The following FBXO45 variants were observed in gnomAD, a reference collection of about 807,000 sequenced individuals.
The protein encoded by FBXO45 is F-box/SPRY domain-containing protein 1.
Under a neutral mutation model 25.5 loss-of-function variants are expected in FBXO45, and 3 were observed. The observed-to-expected ratio is 0.12, with a 90% CI of 0.05 to 0.30. The LOEUF (loss-of-function observed/expected upper bound fraction) is 0.30, where lower values mean the gene tolerates loss of function less well. FBXO45 is among the 10% of genes least tolerant of loss of function. FBXO45 has a pLI of 1.00. For synonymous variants in FBXO45, 155 were observed against 149.8 expected (o/e 1.03, Z -0.25); for missense variants, 219 against 365.0 (o/e 0.60, Z 3.26).
chr3:196,577,816 A>G lies in FBXO45; in HGVS notation c.675+7A>G. 1 of 1,552,186 alleles carries G rather than the reference A, an allele frequency of 6.4e-7. No individual in the cohort carries two copies. The highest frequency in any genetic ancestry group is 1.4e-5 in the African/African-American group (1 of 73,986). On this transcript the variant is annotated splice_region_variant and intron_variant, in intron 2 of 2. Coordinates refer to ENST00000311630, the MANE Select transcript of FBXO45 (RefSeq NM_001105573.2). Reference sequence around the variant, plus strand: ...CAACGCACCAAAATATCAGGTGAGAAACTGGGGTTTTTCTCAAGTATGGGC... The same window carrying G: ...CAACGCACCAAAATATCAGGTGAGAGACTGGGGTTTTTCTCAAGTATGGGC...
At chr3:196,580,142 G>A (rs765049834) in intron 2 of FBXO45, among the ~76,000 whole-genome samples, 2 of 150,800 alleles carry the variant, frequency 1.3e-5, no homozygotes, top group African/African-American at 2.4e-5. Context: ...AGAGGCATGC[G>A]CCTCTAAACC....
At position 196,569,444 on chromosome 3, in the gene FBXO45, T is replaced by G; in HGVS notation, c.318+142T>G. Reference sequence around the variant, plus strand: ...GGCTCCAGTCAGTATCTTCCTCACCTCCCCCCAAGATAAAGATTCTCTTTT... The same window carrying G: ...GGCTCCAGTCAGTATCTTCCTCACCGCCCCCCAAGATAAAGATTCTCTTTT... On this transcript the variant is annotated intron_variant, in intron 1 of 2. Coordinates refer to ENST00000311630, the MANE Select transcript of FBXO45 (RefSeq NM_001105573.2). The surrounding 1 kb of genome is among the most constrained non-coding windows in gnomAD (Gnocchi z 4.1). 1 of 718,562 alleles carries G rather than the reference T, an allele frequency of 1.4e-6. No individual in the cohort carries two copies. 44.5% of individuals were successfully genotyped at this position (718,562 alleles called of 1,614,324 possible).
At chr3:196,576,013 C>T (rs937420549) in intron 1 of FBXO45, among the ~76,000 whole-genome samples, 6 of 152,154 alleles carry the variant, frequency 3.9e-5, no homozygotes, top group African/African-American at 1.4e-4. Context: ...TTATAAGTGC[C>T]TTAAAGTATT....
intron 2 of FBXO45, among the ~76,000 whole-genome samples, chr3:196,581,293 C>T (rs1342827064): frequency 8.3e-6 from 1 of 120,028 alleles, no homozygotes; most frequent in Non-Finnish European, 1.6e-5. Context: ...TGCAGTGGCA[C>T]GATCTGGGCT....
In FBXO45 at chr3:196,569,238, G is replaced by A. The variant is rs867214726; in HGVS notation, c.254G>A (p.Arg85His). 1 of 1,582,750 alleles carries A rather than the reference G, an allele frequency of 6.3e-7. No individual in the cohort carries two copies. The highest frequency in any genetic ancestry group is 8.6e-7 in the Non-Finnish European group (1 of 1,165,074). Reference sequence around the variant, plus strand: ...GAGGTGTGGCGGAGCCTGTGCGCCCGCAGCCTGGCAGAAGAGGCTCTGCGC... The same window carrying A: ...GAGGTGTGGCGGAGCCTGTGCGCCCACAGCCTGGCAGAAGAGGCTCTGCGC... ...NSEVWRSLCA[R>H]SLAEEALRTD... Residue 85 changes from arginine (R) to histidine (H), a missense_variant, in exon 1 of 3, where the codon CGC becomes CAC. Arg to His is a conservative substitution (Grantham distance 29). Coordinates refer to ENST00000311630, the MANE Select transcript of FBXO45 (RefSeq NM_001105573.2). The surrounding 1 kb of genome is among the most constrained non-coding windows in gnomAD (Gnocchi z 4.1).
chr3:196,582,620 CTT>C (rs1315918307), intron 2 of FBXO45, among the ~76,000 whole-genome samples: 14 of 140,144 alleles, frequency 1.0e-4, no homozygotes, highest in Non-Finnish European at 7.9e-5. Context: ...ATGAAACATC[CTT>C]TTTTTTTTTT....
rs1736062972 is a variant in FBXO45 at position 196,584,086 on chromosome 3, T to TAC, written c.676-44_676-43dup. 6.4e-7 allele frequency: 1 copy of TAC among 1,564,896 alleles called. No homozygotes were observed. Among genetic ancestry groups the TAC allele is most frequent in the African/African-American group, 1.4e-5 (1 of 72,972 alleles). ...TGATTTGTGTCTTGTTTCTTCTAGCTACACCCTTGGCAGATTTTCTTCTAA... is the reference window on the plus strand; with the variant it reads ...TGATTTGTGTCTTGTTTCTTCTAGCTACACACCCTTGGCAGATTTTCTTCTAA... On this transcript the variant is annotated intron_variant, in intron 2 of 2. Transcript: ENST00000311630. The surrounding 1 kb of genome is among the most constrained non-coding windows in gnomAD (Gnocchi z 4.3).
intron 1 of FBXO45, among the ~76,000 whole-genome samples, chr3:196,576,828 A>C (rs1735921842): frequency 6.6e-6 from 1 of 152,200 alleles, no homozygotes; most frequent in South Asian, 2.1e-4. Context: ...GATCTAAGGT[A>C]GTTTGTGTTT....
At chr3:196,580,550 C>G (rs1246658754) in intron 2 of FBXO45, among the ~76,000 whole-genome samples, 1 of 152,158 alleles carries the variant, frequency 6.6e-6, no homozygotes, top group African/African-American at 2.4e-5. Context: ...GTCTCGAACT[C>G]CCAACCTCAA....
intron 1 of FBXO45, among the ~76,000 whole-genome samples, chr3:196,571,488 A>G (rs1735825901): frequency 6.6e-6 from 1 of 152,174 alleles, no homozygotes; most frequent in South Asian, 2.1e-4. Context: ...AGCCTCCCAA[A>G]GTGCTGGGGT....
rs1225004270 is a variant in FBXO45, at chr3:196,584,325, C to A, written c.*7C>A. On this transcript the variant is annotated 3_prime_UTR_variant, in exon 3 of 3. Coordinates refer to ENST00000311630, the MANE Select transcript of FBXO45 (RefSeq NM_001105573.2). This position sits in a 1 kb window ranked among gnomAD's most constrained non-coding sequence, Gnocchi z 4.3. ...AAAACCTTTGGACGGATGACAGTGG[C>A]TTTCTTGTGATGACAGACAGAATGG... is the stretch of plus-strand genomic sequence containing the variant. 1 of 1,595,438 alleles carries A rather than the reference C, an allele frequency of 6.3e-7. No individual in the cohort carries two copies. The highest frequency in any genetic ancestry group is 1.1e-5 in the South Asian group (1 of 87,764).
In FBXO45 at chr3:196,569,382, G is replaced by C; in HGVS notation, c.318+80G>C. 3.6e-6 allele frequency: 5 copies of C among 1,383,266 alleles called. No individual in the cohort carries two copies. The highest frequency in any genetic ancestry group is 4.8e-6 in the Non-Finnish European group (5 of 1,036,290). The allele number at this position is 1,383,266 out of a possible 1,614,324, so 85.7% of individuals were successfully genotyped here. A position where few individuals can be genotyped will look rare whatever the true frequency, so the allele number is the denominator to read the frequency against. On this transcript the variant is annotated intron_variant, in intron 1 of 2. Transcript: ENST00000311630. This position sits in a 1 kb window ranked among gnomAD's most constrained non-coding sequence, Gnocchi z 4.1. ...CGCGGTGTTTCTCATCCGAGCTTCT[G>C]AGTCAGAAGCTTCGCCTCACCAGCC...
intron 2 of FBXO45, among the ~76,000 whole-genome samples, chr3:196,579,258 G>A (rs538252919): frequency 1.3e-5 from 2 of 152,320 alleles, no homozygotes; most frequent in East Asian, 3.9e-4. Context: ...CACCTGTGGC[G>A]TGAAAGTTCC....
rs1179950308 is a variant in FBXO45 at position 196,588,861 on chromosome 3, G to C, written c.*4543G>C. ...ATTCTGTTCTAGTCCCAGTGAAGCA[G>C]GAAGGAAAGGGTTGCAAACTTGAGG... On this transcript the variant is annotated 3_prime_UTR_variant, in exon 3 of 3. Transcript: ENST00000311630. The surrounding 1 kb of genome is among the most constrained non-coding windows in gnomAD (Gnocchi z 4.2). 2 of 152,124 alleles carry C rather than the reference G, an allele frequency of 1.3e-5. No individual in the cohort carries two copies. The allele number at this position is 152,124 out of a possible 1,614,324, so 9.4% of individuals were successfully genotyped here.
At chr3:196,576,477 G>C (rs1218206325) in intron 1 of FBXO45, among the ~76,000 whole-genome samples, 1 of 152,224 alleles carries the variant, frequency 6.6e-6, no homozygotes, top group East Asian at 1.9e-4. Context: ...GAGCCAAGGA[G>C]TTCAAGGCTG....
intron 1 of FBXO45, among the ~76,000 whole-genome samples, chr3:196,573,334 T>G (rs1735859736): frequency 6.6e-6 from 1 of 152,196 alleles, no homozygotes; most frequent in South Asian, 2.1e-4. Context: ...AAAGCTATAT[T>G]ATGGGACTAG....
chr3:196,581,332 G>A (rs9874250), intron 2 of FBXO45, among the ~76,000 whole-genome samples: 4,473 of 133,366 alleles, frequency 0.034, 197 homozygotes, highest in African/African-American at 0.11. Flanking sequence ...CCGGGTTCAA[G>A]TGATTCTTCT....
intron 2 of FBXO45, among the ~76,000 whole-genome samples, chr3:196,579,847 T>C (rs1420932832): frequency 6.6e-6 from 1 of 152,234 alleles, no homozygotes; most frequent in African/African-American, 2.4e-5. Flanking sequence ...CTAATTGTTT[T>C]ATCTCCCTGC....
chr3:196,581,704 A>G (rs1033442698), intron 2 of FBXO45, among the ~76,000 whole-genome samples: 9 of 152,130 alleles, frequency 5.9e-5, no homozygotes, highest in African/African-American at 1.2e-4. Flanking sequence ...TTTTTCCCCT[A>G]AATATGAATC....
Sources: allele counts gnomAD v4.1 joint callset (sites outside exome capture counted in the v4.1 genomes callset), GRCh38; gene constraint gnomAD v4.1.1; non-coding constraint Gnocchi (gnomAD v3.1); transcripts MANE v1.5; gene names NCBI Gene and HGNC (gene_info 2026-07-23, HGNC 2026-07-21).